The following FAM149B1 variants were observed in gnomAD, a reference collection of about 807,000 sequenced individuals.
FAM149B1 encodes family with sequence similarity 149 member B1.
In FAM149B1, 56 loss-of-function variants were observed where a neutral mutation model predicts 75.3. The ratio of observed to expected loss-of-function variants is 0.74; its 90% CI spans 0.60 to 0.93. The LOEUF is 0.93. Ranked by LOEUF, FAM149B1 falls within the 40% of genes least tolerant of loss-of-function variation. The pLI is 0.00. For synonymous variants in FAM149B1, 259 were observed against 256.1 expected (o/e 1.01, Z -0.11); for missense variants, 639 against 708.4 (o/e 0.90, Z 1.11).
intron 9 of FAM149B1, among the ~76,000 whole-genome samples, chr10:73,231,930 A>C (rs1004294712): frequency 6.6e-6 from 1 of 152,050 alleles, no homozygotes; most frequent in Non-Finnish European, 1.5e-5. Flanking sequence ...TGTGTTAAAA[A>C]AAAAAAAAAG....
chr10:73,174,753 C>G lies in FAM149B1; in HGVS notation c.114C>G (p.Pro38=). Residue 38 remains proline (P), a synonymous_variant, in exon 2 of 14, where the codon CCC becomes CCG. Coordinates refer to ENST00000242505, the MANE Select transcript of FAM149B1 (RefSeq NM_173348.2). The part of the protein sequence containing the change: ...PPPEKLEEIS[P]TSDSHEKDTS... ...CAGAGAAGCTGGAGGAAATTTCCCC[C>G]ACCAGTGACAGTCATGAGAAAGACA... 6.4e-7 allele frequency: 1 copy of G among 1,551,262 alleles called. No individual in the cohort carries two copies.
chr10:73,174,581 G>A (rs1843859761), intron 1 of FAM149B1, 106 bp from the exon 2 acceptor site: 1 of 773,330 alleles, frequency 1.3e-6, no homozygotes, highest in Non-Finnish European at 2.1e-6. Context: ...ATATCAGACA[G>A]TGCAGTTCCA....
In FAM149B1 at chr10:73,235,322, G is replaced by A. The variant is rs1325938306; in HGVS notation, c.1602+4G>A. 6.4e-7 allele frequency: 1 copy of A among 1,551,954 alleles called. No individual in the cohort carries two copies. Among genetic ancestry groups the A allele is most frequent in the South Asian group, 1.2e-5 (1 of 84,044 alleles). On this transcript the variant is annotated splice_donor_region_variant and intron_variant, in intron 12 of 13. Coordinates refer to ENST00000242505, the MANE Select transcript of FAM149B1 (RefSeq NM_173348.2). ...CAACACAACTCAATCATTTTTGGTAGAGTGACGTACTTCCTAGAATGGTCT... is the reference window on the plus strand; with the variant it reads ...CAACACAACTCAATCATTTTTGGTAAAGTGACGTACTTCCTAGAATGGTCT...
At chr10:73,239,030 G>A (rs1198855952) in intron 12 of FAM149B1, 4 of 294,708 alleles carry the variant, frequency 1.4e-5, no homozygotes, top group Non-Finnish European at 2.5e-5. Flanking sequence ...AGAACTAACT[G>A]AAATATTAAA....
At chr10:73,197,104 A>T (rs1485370291) in intron 5 of FAM149B1, among the ~76,000 whole-genome samples, 1 of 152,166 alleles carries the variant, frequency 6.6e-6, no homozygotes, top group Non-Finnish European at 1.5e-5. Flanking sequence ...CCTGGGCTCA[A>T]GCAATCCTCC....
intron 6 of FAM149B1, among the ~76,000 whole-genome samples, chr10:73,209,749 C>T (rs990166757): frequency 2.0e-5 from 3 of 152,222 alleles, no homozygotes; most frequent in African/African-American, 7.2e-5. Context: ...TAAACTATTC[C>T]TCTAAGCCTT....
intron 5 of FAM149B1, among the ~76,000 whole-genome samples, chr10:73,201,755 C>A (rs2042943203): frequency 6.6e-6 from 1 of 152,038 alleles, no homozygotes; most frequent in Admixed American, 6.6e-5. Context: ...TATGGCTAAG[C>A]CCCAGCAAGC....
At chr10:73,234,394 T>A (rs746694463) in intron 10 of FAM149B1, 19 of 168,874 alleles carry the variant, frequency 1.1e-4, no homozygotes, top group Non-Finnish European at 2.3e-4. Flanking sequence ...CTGCTCCAGA[T>A]CCTACTGAAG....
intron 7 of FAM149B1, among the ~76,000 whole-genome samples, chr10:73,220,246 A>C (rs955179817): frequency 1.3e-5 from 2 of 152,140 alleles, no homozygotes; most frequent in Admixed American, 6.5e-5. Context: ...TTTTAATTAC[A>C]TTTTATTTCT....
At chr10:73,225,008 A>G (rs2043504137) in intron 7 of FAM149B1, among the ~76,000 whole-genome samples, 1 of 152,208 alleles carries the variant, frequency 6.6e-6, no homozygotes, top group Non-Finnish European at 1.5e-5. Flanking sequence ...ACCTAATGCC[A>G]TTGTAGTTGT....
chr10:73,203,840 CA>C, intron 5 of FAM149B1, among the ~76,000 whole-genome samples: 1 of 152,062 alleles, frequency 6.6e-6, no homozygotes, highest in African/African-American at 2.4e-5. Context: ...CAAGTTTCAC[CA>C]TGTTGCACAG....
rs1011621856 is a variant in FAM149B1, at chr10:73,168,159, G to C, written c.-181G>C. ...GCAAAGCAGGGAGGTCGGAGGACTG[G>C]AGAGGTGGGGACCCTGGGGAGGTGG... is the stretch of plus-strand genomic sequence containing the variant. On this transcript the variant is annotated 5_prime_UTR_variant, in exon 1 of 14. Transcript: ENST00000242505. The C allele has an allele frequency of 2.2e-5, 14 of 627,104 alleles. 1 individual carries two copies. Among genetic ancestry groups the C allele is most frequent in the Middle Eastern group, 4.4e-4 (1 of 2,274 alleles). The allele number at this position is 627,104 out of a possible 1,614,324, so 38.8% of individuals were successfully genotyped here.
At chr10:73,194,517 C>T (rs1036916809) in intron 5 of FAM149B1, among the ~76,000 whole-genome samples, 2 of 151,818 alleles carry the variant, frequency 1.3e-5, no homozygotes, top group South Asian at 2.1e-4. Context: ...CTCAGCCTCC[C>T]GAGTAGCTGG....
At chr10:73,206,475 A>G (rs1458072227) in intron 5 of FAM149B1, among the ~76,000 whole-genome samples, 1 of 152,210 alleles carries the variant, frequency 6.6e-6, no homozygotes, top group Admixed American at 6.5e-5. Context: ...TGATAGAGAT[A>G]TTTGCATAAC....
At chr10:73,204,205 A>C (rs1246126053) in intron 5 of FAM149B1, among the ~76,000 whole-genome samples, 1 of 151,908 alleles carries the variant, frequency 6.6e-6, no homozygotes, top group Non-Finnish European at 1.5e-5. Flanking sequence ...GCTCACTGCA[A>C]CCTCCACCCC....
chr10:73,235,681 G>A (rs936897725), intron 12 of FAM149B1, among the ~76,000 whole-genome samples: 2 of 152,138 alleles, frequency 1.3e-5, no homozygotes, highest in Admixed American at 6.5e-5. Flanking sequence ...AGTCCTGGTG[G>A]ATGAGTGAGT....
At position 73,193,653 on chromosome 10, in the gene FAM149B1, C is replaced by A. The variant is rs2042730561; in HGVS notation, c.542+60C>A. On this transcript the variant is annotated intron_variant, in intron 5 of 13. Coordinates refer to ENST00000242505, the MANE Select transcript of FAM149B1 (RefSeq NM_173348.2). ...CCTAATATGCAAGTATTATGTCCTA[C>A]CAGTTGTATTAAGGGATTAAAATAC... The A allele has an allele frequency of 4.7e-6, 7 of 1,486,276 alleles. No individual in the cohort carries two copies. In the South Asian group the frequency reaches 8.8e-5, roughly 19 times the overall value. 92.1% of individuals were successfully genotyped at this position (1,486,276 alleles called of 1,614,324 possible).
intron 1 of FAM149B1, among the ~76,000 whole-genome samples, chr10:73,172,340 A>G (rs1034101637): frequency 6.6e-6 from 1 of 152,196 alleles, no homozygotes; most frequent in East Asian, 1.9e-4. Flanking sequence ...GAACAATGGT[A>G]CAATTCACTA....
chr10:73,215,662 T>C (rs1288073440), intron 7 of FAM149B1, among the ~76,000 whole-genome samples: 1 of 152,254 alleles, frequency 6.6e-6, no homozygotes, highest in African/African-American at 2.4e-5. Flanking sequence ...ATTTTTTCAT[T>C]GACCCAGTGA....
Sources: gnomAD v4.1 joint callset for allele counts (sites outside exome capture counted in the v4.1 genomes callset) on GRCh38, gnomAD v4.1.1 for gene constraint, MANE v1.5 for transcripts, NCBI Gene and HGNC (gene_info 2026-07-23, HGNC 2026-07-21) for gene names.